Variants in TNS1 observed in about 807,000 individuals in gnomAD.
The protein encoded by TNS1 is tensin-1.
TNS1 carries 62 observed loss-of-function variants against 168.6 expected under a neutral mutation model. The ratio of observed to expected loss-of-function variants is 0.37; its 90% CI spans 0.30 to 0.45. The LOEUF is 0.45. Among genes scored for constraint, TNS1 ranks in the 20% least tolerant of loss-of-function variants. The pLI is 1.00. For synonymous variants in TNS1, 934 were observed against 933.2 expected (o/e 1.00, Z -0.02); for missense variants, 2,240 against 2,339.4 (o/e 0.96, Z 0.88).
chr2:217,863,390 T>G (rs1482269806), intron 18 of TNS1, among the ~76,000 whole-genome samples: 1 of 152,114 alleles, frequency 6.6e-6, no homozygotes, highest in East Asian at 1.9e-4. Context: ...TGGTGTCTAG[T>G]GGGTACAGGC....
intron 3 of TNS1, among the ~76,000 whole-genome samples, chr2:217,970,862 G>A (rs1055601572): frequency 6.6e-6 from 1 of 152,006 alleles, no homozygotes; most frequent in Non-Finnish European, 1.5e-5. Flanking sequence ...CACTTTAAAT[G>A]GGCGTATTGT....
chr2:217,810,604 C>A (rs376494646), intron 28 of TNS1, among the ~76,000 whole-genome samples: 1 of 152,176 alleles, frequency 6.6e-6, no homozygotes, highest in African/African-American at 2.4e-5. Flanking sequence ...ATGGTACCCA[C>A]GTCACTGGGT....
At chr2:218,009,162 T>C (rs375079198) in intron 1 of TNS1, among the ~76,000 whole-genome samples, 2 of 152,280 alleles carry the variant, frequency 1.3e-5, no homozygotes. Context: ...CAGGGGACCG[T>C]CCCTGCCCCA....
intron 1 of TNS1, among the ~76,000 whole-genome samples, chr2:218,027,433 C>T (rs1958860253): frequency 6.6e-6 from 1 of 152,086 alleles, no homozygotes; most frequent in African/African-American, 2.4e-5. Context: ...ATGCTTCTAG[C>T]ACCTCTGCAC....
rs890764150 is a variant in TNS1 at position 217,801,459 on chromosome 2, C to G, written c.*3000G>C. The G allele has an allele frequency of 1.3e-5, 2 of 152,252 alleles. No homozygotes were observed. The highest frequency in any genetic ancestry group is 2.4e-5 in the African/African-American group (1 of 41,434). The allele number at this position is 152,252 out of a possible 1,614,324, so 9.4% of individuals were successfully genotyped here. On this transcript the variant is annotated 3_prime_UTR_variant, in exon 33 of 33. Transcript: ENST00000682258. ...CTGGGGTCTGCGTCGCTGCGATGTC[C>G]ATGACTCCCTGGCTCTTTGTTGCCC...
chr2:218,012,259 G>A (rs1958713201), upstream of TNS1, among the ~76,000 whole-genome samples: 1 of 152,170 alleles, frequency 6.6e-6, no homozygotes, highest in Admixed American at 6.5e-5. Flanking sequence ...TTCTAAAATA[G>A]GAGGAAGTTA....
chr2:217,984,957 C>T (rs1016738932), intron 2 of TNS1, among the ~76,000 whole-genome samples: 1 of 151,934 alleles, frequency 6.6e-6, no homozygotes, highest in African/African-American at 2.4e-5. Context: ...ACGGGTTTCA[C>T]CATGTTGGCA....
intron 2 of TNS1, among the ~76,000 whole-genome samples, chr2:217,989,945 T>C: frequency 6.7e-6 from 1 of 148,842 alleles, no homozygotes; most frequent in South Asian, 2.1e-4. Context: ...TCAGCACACA[T>C]CATCCTCACG....
chr2:217,898,809 G>C (rs1178497771), intron 7 of TNS1, among the ~76,000 whole-genome samples: 1 of 152,242 alleles, frequency 6.6e-6, no homozygotes, highest in Non-Finnish European at 1.5e-5. Flanking sequence ...GTGAGGAAGG[G>C]AGGGGCTCGC....
At chr2:217,820,732 G>A (rs976085101) in intron 23 of TNS1, among the ~76,000 whole-genome samples, 7 of 152,176 alleles carry the variant, frequency 4.6e-5, no homozygotes, top group Middle Eastern at 3.4e-3. Context: ...TTCCTATGCC[G>A]TCATCCCATC....
Position 217,800,817 on chromosome 2 carries a change from G to A in TNS1, c.*3642C>T, listed in dbSNP as rs142706692. On this transcript the variant is annotated 3_prime_UTR_variant, in exon 33 of 33. Transcript: ENST00000682258. ...AAAAGTAGGAGTGAGACTAAAAAGTGGGAGTGAGACTAGATTTGATCACAC... is the reference window on the plus strand; with the variant it reads ...AAAAGTAGGAGTGAGACTAAAAAGTAGGAGTGAGACTAGATTTGATCACAC... 11 of 152,116 alleles carry A rather than the reference G, an allele frequency of 7.2e-5. No homozygotes were observed. Among genetic ancestry groups the A allele is most frequent in the South Asian group, 6.3e-4 (3 of 4,730 alleles). The allele number at this position is 152,116 out of a possible 1,614,324, so 9.4% of individuals were successfully genotyped here.
Position 217,847,648 on chromosome 2 carries a change from G to A in TNS1, c.2869C>T (p.Pro957Ser). ...FLPTTHSPPG[P>S]QQPPASLPGL... Reference sequence around the variant, plus strand: ...GGGAGAGAGGCTGGGGGTTGCTGAGGCCCTGGAGGGCTGTGGGTGGTCGGA... The same window carrying A: ...GGGAGAGAGGCTGGGGGTTGCTGAGACCCTGGAGGGCTGTGGGTGGTCGGA... Residue 957 changes from proline to serine, a missense_variant, in exon 19 of 33, where the codon CCT (proline) becomes TCT (serine). Coordinates refer to ENST00000682258, the MANE Select transcript of TNS1 (RefSeq NM_001387777.1). 1.9e-6 allele frequency: 3 copies of A among 1,589,732 alleles called. No homozygotes were observed. The South Asian group carries it at 3.4e-5, about 18-fold the overall frequency.
chr2:217,996,020 C>T (rs923534387), intron 1 of TNS1, among the ~76,000 whole-genome samples: 11 of 152,166 alleles, frequency 7.2e-5, no homozygotes, highest in Non-Finnish European at 1.6e-4. Context: ...ACAGCCTTGG[C>T]GAGAGTCCTT....
rs561993187 is a variant in TNS1, at chr2:218,024,963, T to C, written c.156+8857A>G. 5.3e-5 allele frequency among the ~76,000 whole-genome samples: 8 copies of C among 152,258 alleles called. No homozygotes were observed. In the South Asian group the frequency reaches 1.7e-3, roughly 32 times the overall value. The stretch of plus-strand genomic sequence containing the variant: ...CAACTAAAACAACTGAGGAAAGGGA[T>C]ATTAACTCAACAGCCAAGAGCCAGC... On this transcript the variant is annotated intron_variant, in intron 1 of 1. Transcript: ENST00000649572.
chr2:217,836,235 G>A, intron 19 of TNS1, 24 bp from the exon 20 acceptor site: 1 of 1,586,058 alleles, frequency 6.3e-7, no homozygotes, highest in Non-Finnish European at 8.6e-7. Context: ...AGGGTGTAGA[G>A]GACAATGAGC....
Position 217,818,107 on chromosome 2 carries a change from C to G in TNS1, c.4225G>C (p.Gly1409Arg), listed in dbSNP as rs202059695. 6.2e-7 allele frequency: 1 copy of G among 1,613,852 alleles called. No individual in the cohort carries two copies. Among genetic ancestry groups the G allele is most frequent in the Non-Finnish European group, 8.5e-7 (1 of 1,179,926 alleles). The change falls in exon 24 of 33, where the codon GGA (glycine) becomes CGA (arginine). Residue 1409 changes from glycine to arginine, a missense_variant. Gly to Arg is a moderately radical substitution (Grantham distance 125, BLOSUM62 -2). This residue lies in a region of TNS1 where 2,131 missense variants were observed against 2,171.2 expected (regional missense o/e 0.98). Transcript: ENST00000682258. The stretch of plus-strand genomic sequence containing the variant: ...CCGGGAACCACAGATCCAGACCCTC[C>G]GAGGTGACGGCCCAGGCTGGGGCTT... Reference protein sequence around the residue: ...PGSPSLGRHLGGSGSVVPGSP... With the variant: ...PGSPSLGRHLRGSGSVVPGSP...
At chr2:217,961,693 C>T (rs929701674) in intron 3 of TNS1, among the ~76,000 whole-genome samples, 15 of 152,212 alleles carry the variant, frequency 9.9e-5, no homozygotes, top group African/African-American at 3.6e-4. Context: ...CCCGGTGGGA[C>T]CCCCCCATTC....
At chr2:217,900,209 G>A (rs1952797525) in intron 7 of TNS1, among the ~76,000 whole-genome samples, 2 of 152,208 alleles carry the variant, frequency 1.3e-5, no homozygotes, top group African/African-American at 4.8e-5. Flanking sequence ...ACCTTGCGGG[G>A]TTGTTGCAAG....
Position 217,817,615 on chromosome 2 carries a change from C to T in TNS1, c.4642+75G>A, listed in dbSNP as rs1942096178. 7.7e-6 allele frequency: 10 copies of T among 1,291,608 alleles called. No homozygotes were observed. The East Asian group carries it at 2.3e-4, about 30-fold the overall frequency. 80.0% of individuals were successfully genotyped at this position (1,291,608 alleles called of 1,614,324 possible). On this transcript the variant is annotated intron_variant, in intron 24 of 32. Transcript: ENST00000682258. ...TCTGCCAAGAGAATGTCAGAATAGACACTGGGATAGATATTTCACTCTTCT... is the reference window on the plus strand; with the variant it reads ...TCTGCCAAGAGAATGTCAGAATAGATACTGGGATAGATATTTCACTCTTCT...
Sources: gnomAD v4.1 joint callset for allele counts (sites outside exome capture counted in the v4.1 genomes callset) on GRCh38, gnomAD v4.1.1 for gene constraint, gnomAD v4.1.1 regional missense constraint, MANE v1.5 for transcripts, NCBI Gene and HGNC (gene_info 2026-07-23, HGNC 2026-07-21) for gene names.